NALCN: variants seen among roughly 807,000 people sequenced by gnomAD.
The protein encoded by NALCN is sodium leak channel NALCN.
Under a neutral mutation model 225.3 loss-of-function variants are expected in NALCN, and 111 were observed. That is an observed-to-expected ratio of 0.49 (90% CI 0.42 to 0.58). The LOEUF (loss-of-function observed/expected upper bound fraction) is 0.58, where lower values mean the gene tolerates loss of function less well. Among genes scored for constraint, NALCN ranks in the 20% least tolerant of loss-of-function variants. NALCN has a pLI of 0.00. For missense variants in NALCN, 1,378 were observed against 2,202.4 expected (o/e 0.63, Z 7.49); for synonymous variants, 764 against 769.0 (o/e 0.99, Z 0.11).
At chr13:101,173,019 G>A (rs967485083) in intron 15 of NALCN, among the ~76,000 whole-genome samples, 2 of 152,216 alleles carry the variant, frequency 1.3e-5, no homozygotes, top group African/African-American at 4.8e-5. Flanking sequence ...AGCCTGTTAT[G>A]TAGGCGTCTG....
At chr13:101,151,411 CAAAAG>C (rs1316365085) in intron 15 of NALCN, among the ~76,000 whole-genome samples, 2 of 152,016 alleles carry the variant, frequency 1.3e-5, no homozygotes, top group African/African-American at 4.8e-5. Flanking sequence ...TATGATTTCC[CAAAAG>C]AAAACAATTT....
chr13:101,274,771 T>A (rs959895432), intron 10 of NALCN, among the ~76,000 whole-genome samples: 3 of 152,192 alleles, frequency 2.0e-5, no homozygotes, highest in Non-Finnish European at 4.4e-5. Flanking sequence ...CAGGTGAGAC[T>A]GTAATAGCCT....
intron 7 of NALCN, among the ~76,000 whole-genome samples, chr13:101,330,628 A>G (rs1006811850): frequency 1.3e-5 from 2 of 152,154 alleles, no homozygotes; most frequent in African/African-American, 4.8e-5. Context: ...CCATAATGCA[A>G]ATAGTTCAAG....
chr13:101,158,115 A>C (rs1045526172), intron 15 of NALCN, among the ~76,000 whole-genome samples: 1 of 151,878 alleles, frequency 6.6e-6, no homozygotes, highest in Non-Finnish European at 1.5e-5. Flanking sequence ...CAGAGTGGAG[A>C]GTTAGGAGCA....
chr13:101,103,253 T>C lies in NALCN; in HGVS notation c.2976A>G (p.Arg992=). ...AQLLMVLRCL[R]PLRIFKLVPQ... ...GCACCAGTTTGAATATGCGCAGAGG[T>C]CTCAGGCACCGAAGGACCATTAGAA... is the stretch of plus-strand genomic sequence containing the variant. Residue 992 remains arginine, a synonymous_variant, in exon 26 of 44, where the codon AGA becomes AGG. Transcript: ENST00000251127. The C allele has an allele frequency of 1.9e-6, 3 of 1,613,912 alleles. No individual in the cohort carries two copies. Among genetic ancestry groups the C allele is most frequent in the Non-Finnish European group, 2.5e-6 (3 of 1,179,914 alleles).
chr13:101,060,268 G>GTTTTGTTTTTTTTTTTTTTTTTTTTTTTT (rs1448927684), intron 41 of NALCN, among the ~76,000 whole-genome samples: 1 of 68,384 alleles, frequency 1.5e-5, no homozygotes, highest in African/African-American at 6.2e-5. Flanking sequence ...TGTTGTTGGT[G>GTTTTGTTTTTTTTTTTTTTTTTTTTTTTT]TTTTCTGTTT....
chr13:101,105,599 G>A (rs1344633148), intron 22 of NALCN, among the ~76,000 whole-genome samples: 4 of 151,142 alleles, frequency 2.6e-5, no homozygotes, highest in South Asian at 2.1e-4. Flanking sequence ...ACCATGAGAT[G>A]TTAAGGTACA....
At chr13:101,352,649 T>C (rs968638690) in intron 6 of NALCN, among the ~76,000 whole-genome samples, 1 of 152,302 alleles carries the variant, frequency 6.6e-6, no homozygotes, top group Middle Eastern at 3.4e-3. Flanking sequence ...AAATGGATAC[T>C]GTGACTGATG....
At chr13:101,161,975 A>C (rs1246412889) in intron 15 of NALCN, among the ~76,000 whole-genome samples, 1 of 151,222 alleles carries the variant, frequency 6.6e-6, no homozygotes, top group Non-Finnish European at 1.5e-5. Flanking sequence ...ACTCTATACC[A>C]CTCCACCCTG....
chr13:101,135,149 C>T (rs1042712612), intron 17 of NALCN, among the ~76,000 whole-genome samples: 1 of 152,184 alleles, frequency 6.6e-6, no homozygotes, highest in Non-Finnish European at 1.5e-5. Flanking sequence ...GAGCCGAGAT[C>T]GTGCCGCTGC....
intron 13 of NALCN, among the ~76,000 whole-genome samples, chr13:101,198,443 A>T (rs1291894536): frequency 1.3e-5 from 2 of 152,220 alleles, no homozygotes; most frequent in Non-Finnish European, 2.9e-5. Flanking sequence ...ACAAATTATA[A>T]GAAGAAAACA....
At chr13:101,127,861 A>C (rs183166029) in intron 17 of NALCN, among the ~76,000 whole-genome samples, 1 of 152,322 alleles carries the variant, frequency 6.6e-6, no homozygotes, top group East Asian at 1.9e-4. Context: ...TTCTATAGTA[A>C]AGCTTTGCGA....
At chr13:101,130,913 T>C (rs1020265245) in intron 17 of NALCN, among the ~76,000 whole-genome samples, 14 of 152,172 alleles carry the variant, frequency 9.2e-5, no homozygotes, top group Admixed American at 4.6e-4. Context: ...ATACGTTTTA[T>C]TCTCTTGCTG....
chr13:101,318,362 C>T (rs945382521), intron 7 of NALCN, among the ~76,000 whole-genome samples: 2 of 152,138 alleles, frequency 1.3e-5, no homozygotes, highest in Admixed American at 6.5e-5. Context: ...CTGGCATGGG[C>T]GCCGGCTCCC....
chr13:101,215,523 G>A (rs1396758267), intron 13 of NALCN, among the ~76,000 whole-genome samples: 1 of 152,062 alleles, frequency 6.6e-6, no homozygotes, highest in African/African-American at 2.4e-5. Flanking sequence ...GATGCTGGCT[G>A]GGCTTTGGTC....
At chr13:101,367,981 T>C (rs1404281571) in intron 6 of NALCN, among the ~76,000 whole-genome samples, 1 of 130,720 alleles carries the variant, frequency 7.6e-6, no homozygotes, top group Non-Finnish European at 1.6e-5. Flanking sequence ...TTTGACTTTT[T>C]TGAAATTTAT....
intron 10 of NALCN, among the ~76,000 whole-genome samples, chr13:101,266,280 A>T (rs2042593989): frequency 1.2e-5 from 1 of 82,666 alleles, no homozygotes. Flanking sequence ...GGTGTAACAT[A>T]AGAAATCAGG....
In NALCN at chr13:101,100,823, T is replaced by C; in HGVS notation, c.3123A>G (p.Gly1041=). 6.2e-7 allele frequency: 1 copy of C among 1,611,636 alleles called. No individual in the cohort carries two copies. The highest frequency in any genetic ancestry group is 8.5e-7 in the Non-Finnish European group (1 of 1,178,788). ...TGGGATCATTGCACTTGGCCAGTTT[T>C]CCAGCAAAAAGCTGAACTCCAAAGC... is the stretch of plus-strand genomic sequence containing the variant. ...FASFGVQLFA[G]KLAKCNDPNI... The change falls in exon 27 of 44, where the codon GGA becomes GGG. Residue 1041 remains glycine (G), a synonymous_variant. Transcript: ENST00000251127.
intron 37 of NALCN, among the ~76,000 whole-genome samples, chr13:101,071,545 G>C (rs922143295): frequency 2.0e-5 from 3 of 151,944 alleles, no homozygotes; most frequent in Admixed American, 6.6e-5. Flanking sequence ...TTTCTACAGC[G>C]TCCTCACCTC....
Sources: allele counts gnomAD v4.1 joint callset (sites outside exome capture counted in the v4.1 genomes callset), GRCh38; gene constraint gnomAD v4.1.1; transcripts MANE v1.5; gene names NCBI Gene and HGNC (gene_info 2026-07-23, HGNC 2026-07-21).